AASS: variants seen among roughly 807,000 people sequenced by gnomAD.
AASS encodes the protein alpha-aminoadipic semialdehyde synthase, mitochondrial.
AASS carries 86 observed loss-of-function variants against 105.4 expected under a neutral mutation model. The ratio of observed to expected loss-of-function variants is 0.82; its 90% confidence interval spans 0.69 to 0.98. The LOEUF (loss-of-function observed/expected upper bound fraction) is 0.98. AASS is among the 50% of genes least tolerant of loss of function. AASS has a pLI of 0.00. For missense variants in AASS, 1,048 were observed against 1,143.2 expected, an observed-to-expected ratio of 0.92 and a Z score of 1.20; for synonymous variants, 381 against 394.8, an observed-to-expected ratio of 0.96 and a Z score of 0.41.
intron 17 of AASS, 51 bp from the exon 18 acceptor site, chr7:122,091,894 G>C: frequency 1.3e-5 from 17 of 1,280,850 alleles, no homozygotes; most frequent in Non-Finnish European, 1.7e-5. Flanking sequence ...CTTAGAGAAT[G>C]TCTAAGTAAT....
In AASS at chr7:122,091,761, C is replaced by G. The variant is rs746338348; in HGVS notation, c.1958G>C (p.Ser653Thr). ...NNPLRYKFSW[S>T]PVGVLMNVMQ... ...TACATTCATCAAAACTCCCACTGGA[C>G]TCCAGCTAAATTTATATCTCAATGG... The change falls in exon 18 of 24, where the codon AGT becomes ACT. Residue 653 changes from serine (S) to threonine (T), a missense_variant. By Grantham distance (58) the Ser-to-Thr change is moderately conservative. Transcript: ENST00000417368. The G allele has an allele frequency of 1.7e-5, 27 of 1,613,556 alleles. No homozygotes were observed. The highest frequency in any genetic ancestry group is 2.0e-5 in the Non-Finnish European group (24 of 1,179,692).
intron 19 of AASS, among the ~76,000 whole-genome samples, chr7:122,085,450 G>A (rs975639375): frequency 1.3e-5 from 2 of 151,860 alleles, no homozygotes; most frequent in Non-Finnish European, 2.9e-5. Flanking sequence ...TTGCTCTGGG[G>A]AAGCCCCTTT....
chr7:122,137,359 T>C (rs1210517537), intron 1 of AASS, among the ~76,000 whole-genome samples: 1 of 152,174 alleles, frequency 6.6e-6, no homozygotes, highest in East Asian at 1.9e-4. Context: ...ATTCACACCA[T>C]ATAGATCCAA....
At chr7:122,105,807 C>T (rs1033941412) in intron 11 of AASS, among the ~76,000 whole-genome samples, 2 of 151,926 alleles carry the variant, frequency 1.3e-5, no homozygotes, top group East Asian at 1.9e-4. Context: ...CCCAATGTTG[C>T]ACCTCAAGGA....
At chr7:122,079,360 G>C in intron 21 of AASS, 1 of 1,375,356 alleles carries the variant, frequency 7.3e-7, no homozygotes, top group Non-Finnish European at 9.4e-7. Flanking sequence ...CACTATGCTT[G>C]GGAACTGAGT....
Position 122,126,469 on chromosome 7 carries a change from G to C in AASS, c.388-10C>G. ...CAATAAGGCGAATTTCCTGAAAAGA[G>C]GATAAAAAAATTTCAACTGGACCCA... On this transcript the variant is annotated splice_polypyrimidine_tract_variant and intron_variant, in intron 3 of 23. Transcript: ENST00000417368. The C allele has an allele frequency of 6.2e-7, 1 of 1,612,302 alleles. No homozygotes were observed. Among genetic ancestry groups the C allele is most frequent in the Non-Finnish European group, 8.5e-7 (1 of 1,178,636 alleles).
rs1485920969 is a variant in AASS, at chr7:122,098,908, A to G, written c.1407-42T>C. On this transcript the variant is annotated intron_variant, in intron 13 of 23. Coordinates refer to ENST00000417368, the MANE Select transcript of AASS (RefSeq NM_005763.4). Reference sequence around the variant, plus strand: ...AAAAAAAAAAAAAAGGGAAGGGGCTAATTAAAAATTTTTTTTTAAATAACA... The same window carrying G: ...AAAAAAAAAAAAAAGGGAAGGGGCTGATTAAAAATTTTTTTTTAAATAACA... 7 of 1,515,154 alleles carry G rather than the reference A, an allele frequency of 4.6e-6. No homozygotes were observed. The African/African-American group carries it at 8.6e-5, about 19-fold the overall frequency. 93.9% of individuals were successfully genotyped at this position (1,515,154 alleles called of 1,614,324 possible). A position where few individuals can be genotyped will look rare whatever the true frequency, so the allele number is the denominator to read the frequency against.
intron 15 of AASS, among the ~76,000 whole-genome samples, chr7:122,097,002 A>G (rs1794185177): frequency 6.6e-6 from 1 of 152,146 alleles, no homozygotes; most frequent in Non-Finnish European, 1.5e-5. Flanking sequence ...GTAATATCAG[A>G]GAGGTTCAGT....
Position 122,101,648 on chromosome 7 carries a change from A to G in AASS, c.1311T>C (p.Ser437=). The change falls in exon 12 of 24, where the codon AGT becomes AGC. Residue 437 remains serine, a synonymous_variant. Transcript: ENST00000417368. ...CTCTCACCACAGGAGAAAAATTCTGACTTTCAAGAGGCTGTGTCGCGTCTG... is the reference window on the plus strand; with the variant it reads ...CTCTCACCACAGGAGAAAAATTCTGGCTTTCAAGAGGCTGTGTCGCGTCTG... ...ILSDATQPLE[S]QNFSPVVRDA... The G allele has an allele frequency of 6.2e-7, 1 of 1,611,808 alleles. No individual in the cohort carries two copies.
Position 122,114,981 on chromosome 7 carries a change from T to C in AASS, c.1043+93A>G. The C allele has an allele frequency of 2.6e-6, 4 of 1,554,158 alleles. No individual in the cohort carries two copies. In the Admixed American group the frequency reaches 5.0e-5, roughly 19 times the overall value. ...AAAGATAAGGCAGAGAAGTAGTCAT[T>C]AGAAATCAAGTCCTCTGATATGTGA... is the stretch of plus-strand genomic sequence containing the variant. On this transcript the variant is annotated intron_variant, in intron 9 of 23. Coordinates refer to ENST00000417368, the MANE Select transcript of AASS (RefSeq NM_005763.4).
At chr7:122,105,397 A>C (rs1794623173) in intron 11 of AASS, among the ~76,000 whole-genome samples, 1 of 152,122 alleles carries the variant, frequency 6.6e-6, no homozygotes, top group Non-Finnish European at 1.5e-5. Context: ...ATAAATATAG[A>C]ACTTTTTATC....
At chr7:122,086,362 C>A (rs1010252094) in intron 18 of AASS, among the ~76,000 whole-genome samples, 183 bp from the exon 19 acceptor site, 5 of 152,112 alleles carry the variant, frequency 3.3e-5, no homozygotes, top group African/African-American at 1.2e-4. Context: ...CAAAGCAATT[C>A]TTCTCTCAAG....
chr7:122,105,863 A>G (rs193217305), intron 11 of AASS, among the ~76,000 whole-genome samples: 1 of 152,220 alleles, frequency 6.6e-6, no homozygotes, highest in Admixed American at 6.6e-5. Flanking sequence ...GTAGACACAA[A>G]GAAATAATGA....
chr7:122,143,345 C>T (rs992204895), intron 1 of AASS, among the ~76,000 whole-genome samples: 1 of 151,586 alleles, frequency 6.6e-6, no homozygotes, highest in Non-Finnish European at 1.5e-5. Context: ...CTCTCTCTTC[C>T]GCTCCCCCCA....
chr7:122,091,709 A>T lies in AASS; in HGVS notation c.2010T>A (p.Asp670Glu), dbSNP rs1793909244. Residue 670 changes from aspartate to glutamate, a missense_variant, in exon 18 of 24, where the codon GAT becomes GAA. Physicochemically the swap from Asp to Glu is conservative, Grantham distance 45. Coordinates refer to ENST00000417368, the MANE Select transcript of AASS (RefSeq NM_005763.4). ...NVMQSATYLL[D>E]GKVVNVAGGI... ...CTTGGATAAGATTCCTCACCTTTCC[A>T]TCGAGCAGATAGGTGGCAGACTGCA... 6 of 1,613,306 alleles carry T rather than the reference A, an allele frequency of 3.7e-6. No homozygotes were observed. Among genetic ancestry groups the T allele is most frequent in the Non-Finnish European group, 5.1e-6 (6 of 1,179,594 alleles).
intron 6 of AASS, 130 bp from the exon 7 acceptor site, chr7:122,117,087 A>G: frequency 1.3e-6 from 1 of 794,166 alleles, no homozygotes; most frequent in Non-Finnish European, 2.1e-6. Flanking sequence ...CAGGACTGCA[A>G]CACAGAAATA....
chr7:122,096,773 A>G (rs1308853155), intron 15 of AASS, among the ~76,000 whole-genome samples: 2 of 152,152 alleles, frequency 1.3e-5, no homozygotes, highest in African/African-American at 2.4e-5. Context: ...GAAGGCCACT[A>G]GTTTGCTAAA....
chr7:122,113,937 A>AAAAG lies in AASS; in HGVS notation c.1044-221_1044-218dup, dbSNP rs1194903643. ...ATTTTAGTCTCCAAAAAAAAAAAAA[A>AAAAG]AAAGAAAGAAAGAAAGAAAAGAAAA... On this transcript the variant is annotated intron_variant, in intron 9 of 23. Transcript: ENST00000417368. Among the ~76,000 whole-genome samples, 65 of 150,996 alleles carry AAAAG rather than the reference A, an allele frequency of 4.3e-4. 1 individual carries two copies. Among genetic ancestry groups the AAAAG allele is most frequent in the South Asian group, 2.3e-3 (11 of 4,814 alleles).
chr7:122,090,570 T>A (rs986163948), intron 18 of AASS, among the ~76,000 whole-genome samples: 3 of 152,276 alleles, frequency 2.0e-5, no homozygotes, highest in Admixed American at 2.0e-4. Flanking sequence ...AAAATATTGA[T>A]GCTAAAATAA....
Sources: gnomAD v4.1 joint callset for allele counts (sites outside exome capture counted in the v4.1 genomes callset) on GRCh38, gnomAD v4.1.1 for gene constraint, MANE v1.5 for transcripts, NCBI Gene and HGNC (gene_info 2026-07-23, HGNC 2026-07-21) for gene names.